RPH3A: variants seen among roughly 807,000 people sequenced by gnomAD.
RPH3A encodes rabphilin 3A, also known as rabphilin-3A.
In RPH3A, 48 loss-of-function variants were observed where a neutral mutation model predicts 102.2. The observed-to-expected ratio is 0.47, with a 90% confidence interval of 0.37 to 0.60. RPH3A has a LOEUF of 0.60. Among genes scored for constraint, RPH3A ranks in the 20% least tolerant of loss-of-function variants. The pLI is 0.00. For synonymous variants in RPH3A, 310 were observed against 324.3 expected (o/e 0.96, Z 0.47); for missense variants, 781 against 910.1 (o/e 0.86, Z 1.83).
chr12:112,849,945 G>T (rs1456069032), intron 5 of RPH3A, among the ~76,000 whole-genome samples: 1 of 152,218 alleles, frequency 6.6e-6, no homozygotes, highest in African/African-American at 2.4e-5. Flanking sequence ...GCCTCTGGGG[G>T]TCAGGGGAGG....
chr12:112,879,364 G>A (rs879736864), intron 14 of RPH3A, among the ~76,000 whole-genome samples, 166 bp downstream of exon 14: 8 of 152,224 alleles, frequency 5.3e-5, no homozygotes, highest in Non-Finnish European at 1.0e-4. Context: ...CTTTCTGGGA[G>A]GCCTTCCTCC....
At chr12:112,868,929 G>A (rs1448616410) in intron 8 of RPH3A, 3 of 223,900 alleles carry the variant, frequency 1.3e-5, no homozygotes, top group South Asian at 3.3e-4. Context: ...GAGAATACTC[G>A]GCTTGCTGAG....
chr12:112,755,034 A>T (rs1486765585), intron 1 of RPH3A, among the ~76,000 whole-genome samples: 1 of 152,178 alleles, frequency 6.6e-6, no homozygotes, highest in Non-Finnish European at 1.5e-5. Context: ...CTGCTTATTG[A>T]CAACTTTATC....
intron 1 of RPH3A, chr12:112,591,411 C>G (rs2039477371): frequency 6.6e-6 from 1 of 152,300 alleles, no homozygotes; most frequent in African/African-American, 2.4e-5. Context: ...ATTCTATGGG[C>G]ATGTGCCTCC....
intron 1 of RPH3A, among the ~76,000 whole-genome samples, chr12:112,656,787 G>A (rs1407041425): frequency 6.6e-6 from 1 of 151,592 alleles, no homozygotes. Context: ...ATTCCACGGT[G>A]TGTGTGTGTA....
chr12:112,602,072 A>G (rs959181361), intron 1 of RPH3A, among the ~76,000 whole-genome samples: 6 of 152,224 alleles, frequency 3.9e-5, no homozygotes, highest in African/African-American at 1.2e-4. Context: ...GGGGCACACA[A>G]GAGCCTTCAG....
chr12:112,593,365 G>A lies in RPH3A; in HGVS notation c.-140+18046G>A, dbSNP rs1442783795. Among the ~76,000 whole-genome samples the A allele has an allele frequency of 2.0e-5, 3 of 152,300 alleles. No homozygotes were observed. The East Asian group carries it at 5.8e-4, about 29-fold the overall frequency. ...CTGATTAAAACACCCGGATTTCTGA[G>A]TTACTAGACCTGCAGCAGACTCTAT... On this transcript the variant is annotated intron_variant, in intron 1 of 21. Coordinates refer to the RPH3A transcript ENST00000543106.
At chr12:112,822,097 T>C (rs955739541) in intron 2 of RPH3A, among the ~76,000 whole-genome samples, 1 of 151,190 alleles carries the variant, frequency 6.6e-6, no homozygotes, top group African/African-American at 2.5e-5. Context: ...CCCCATCAAA[T>C]AGTCAGAGTG....
At chr12:112,809,339 C>T (rs1160852942) in intron 2 of RPH3A, among the ~76,000 whole-genome samples, 1 of 152,038 alleles carries the variant, frequency 6.6e-6, no homozygotes, top group Non-Finnish European at 1.5e-5. Context: ...CTCTTCTCAT[C>T]GTGGGAATCT....
At chr12:112,627,342 T>G (rs542543542) in intron 1 of RPH3A, among the ~76,000 whole-genome samples, 6 of 149,298 alleles carry the variant, frequency 4.0e-5, no homozygotes, top group Admixed American at 3.4e-4. Flanking sequence ...TACCTGTCAT[T>G]ATGTACTATA....
chr12:112,611,107 G>A (rs927141023), intron 1 of RPH3A, among the ~76,000 whole-genome samples: 3 of 152,192 alleles, frequency 2.0e-5, no homozygotes, highest in Non-Finnish European at 4.4e-5. Context: ...TTCAATGAAT[G>A]AACCATTAGA....
At chr12:112,805,857 T>A (rs900276853) in intron 2 of RPH3A, among the ~76,000 whole-genome samples, 4 of 152,218 alleles carry the variant, frequency 2.6e-5, no homozygotes, top group Non-Finnish European at 2.9e-5. Flanking sequence ...TCTACTAACA[T>A]GTAAATCACA....
intron 1 of RPH3A, among the ~76,000 whole-genome samples, chr12:112,736,810 T>G (rs1187944292): frequency 6.6e-6 from 1 of 152,030 alleles, no homozygotes; most frequent in Non-Finnish European, 1.5e-5. Flanking sequence ...GTGGACATAG[T>G]GGGGGAATCT....
At chr12:112,895,169 C>T (rs2043159335) in intron 20 of RPH3A, among the ~76,000 whole-genome samples, 2 of 152,132 alleles carry the variant, frequency 1.3e-5, no homozygotes, top group African/African-American at 4.8e-5. Context: ...GTGGCGTGAT[C>T]TTGGCTCACT....
chr12:112,824,883 TG>T (rs747316045), intron 2 of RPH3A, among the ~76,000 whole-genome samples: 6 of 152,304 alleles, frequency 3.9e-5, no homozygotes, highest in Non-Finnish European at 7.4e-5. Context: ...TGATGGAATT[TG>T]GAGATCAGAG....
At chr12:112,710,224 T>A (rs2040451575) in intron 1 of RPH3A, among the ~76,000 whole-genome samples, 1 of 152,074 alleles carries the variant, frequency 6.6e-6, no homozygotes, top group African/African-American at 2.4e-5. Context: ...GATCCGCCTG[T>A]CTCGGCCTCC....
At chr12:112,789,689 C>T (rs550463348), upstream of RPH3A, among the ~76,000 whole-genome samples, 125 of 152,088 alleles carry the variant, frequency 8.2e-4, no homozygotes, top group African/African-American at 2.7e-3. Flanking sequence ...GCCACCACCA[C>T]CACCACCACC....
At chr12:112,760,745 A>G (rs1171341829) in intron 1 of RPH3A, among the ~76,000 whole-genome samples, 1 of 152,232 alleles carries the variant, frequency 6.6e-6, no homozygotes, top group Non-Finnish European at 1.5e-5. Context: ...GAAAGGAAGA[A>G]AAGATGGCAA....
chr12:112,769,925 A>G (rs746644358), intron 1 of RPH3A, among the ~76,000 whole-genome samples: 3 of 152,182 alleles, frequency 2.0e-5, no homozygotes, highest in Non-Finnish European at 2.9e-5. Context: ...AGATTTATAT[A>G]TTTCCAGATG....
Sources: gnomAD v4.1 joint callset for allele counts (sites outside exome capture counted in the v4.1 genomes callset) on GRCh38, gnomAD v4.1.1 for gene constraint, MANE v1.5 for transcripts, NCBI Gene and HGNC (gene_info 2026-07-23, HGNC 2026-07-21) for gene names.